Variants in ZCCHC7 observed in about 807,000 individuals in gnomAD.
ZCCHC7 encodes the protein zinc finger CCHC-type containing 7.
ZCCHC7 carries 35 observed loss-of-function variants against 52.0 expected under a neutral mutation model. That is an observed-to-expected ratio of 0.67 (90% CI 0.51 to 0.89). The LOEUF (loss-of-function observed/expected upper bound fraction) is 0.89, where lower values mean the gene tolerates loss of function less well. Among genes scored for constraint, ZCCHC7 ranks in the 40% least tolerant of loss-of-function variants. The pLI, the probability that ZCCHC7 is intolerant of heterozygous loss-of-function variation, is 0.00. For synonymous variants in ZCCHC7, 217 were observed against 221.5 expected (o/e 0.98, Z 0.18); for missense variants, 574 against 649.1 (o/e 0.88, Z 1.26).
At chr9:37,182,655 C>T (rs1268389489) in intron 2 of ZCCHC7, among the ~76,000 whole-genome samples, 2 of 152,118 alleles carry the variant, frequency 1.3e-5, no homozygotes. Flanking sequence ...CATGAGCCAC[C>T]GCGCCTGGCC....
chr9:37,313,360 G>A (rs1005057546), intron 5 of ZCCHC7, among the ~76,000 whole-genome samples: 31 of 152,116 alleles, frequency 2.0e-4, no homozygotes, highest in South Asian at 2.1e-4. Context: ...CAAAACTCAC[G>A]ATAATGTTAG....
At chr9:37,166,465 C>G (rs547907663) in intron 2 of ZCCHC7, among the ~76,000 whole-genome samples, 3 of 152,202 alleles carry the variant, frequency 2.0e-5, no homozygotes, top group African/African-American at 7.2e-5. Flanking sequence ...CCTGGTATGT[C>G]TGTCTTGAGA....
intron 2 of ZCCHC7, among the ~76,000 whole-genome samples, chr9:37,140,898 C>G (rs928655017): frequency 2.0e-5 from 3 of 151,944 alleles, no homozygotes; most frequent in African/African-American, 7.2e-5. Context: ...GTTTGTGAAG[C>G]AAATTTCTAA....
chr9:37,144,844 G>T (rs1419532599), intron 2 of ZCCHC7: 2 of 151,990 alleles, frequency 1.3e-5, no homozygotes, highest in Non-Finnish European at 2.9e-5. Context: ...AGGCTAACAA[G>T]TGTGTATGCC....
intron 2 of ZCCHC7, among the ~76,000 whole-genome samples, chr9:37,262,308 ACATAGT>A (rs1388875103): frequency 6.6e-6 from 1 of 152,130 alleles, no homozygotes; most frequent in Admixed American, 6.5e-5. Context: ...AAGATAGTAA[ACATAGT>A]CATAATGACT....
chr9:37,188,311 C>CTA (rs1299887204), intron 2 of ZCCHC7, among the ~76,000 whole-genome samples: 3 of 151,932 alleles, frequency 2.0e-5, no homozygotes, highest in Non-Finnish European at 4.4e-5. Flanking sequence ...TCATGCCTGA[C>CTA]TAATTTTTTT....
intron 2 of ZCCHC7, among the ~76,000 whole-genome samples, chr9:37,263,365 A>G (rs909097657): frequency 9.2e-5 from 14 of 151,928 alleles, no homozygotes; most frequent in African/African-American, 2.9e-4. Flanking sequence ...TTGTATTTTT[A>G]AAATGGAAGG....
chr9:37,239,448 G>A (rs896482417), intron 2 of ZCCHC7, among the ~76,000 whole-genome samples: 1 of 152,032 alleles, frequency 6.6e-6, no homozygotes, highest in African/African-American at 2.4e-5. Flanking sequence ...TCATGTTCTA[G>A]TCCTTTGAGT....
intron 5 of ZCCHC7, among the ~76,000 whole-genome samples, chr9:37,319,389 A>G (rs1268139340): frequency 1.3e-5 from 2 of 152,172 alleles, no homozygotes; most frequent in Non-Finnish European, 2.9e-5. Flanking sequence ...AGTCCAACTT[A>G]TAAATTTGAA....
intron 6 of ZCCHC7, among the ~76,000 whole-genome samples, chr9:37,333,089 A>G (rs1036478572): frequency 2.6e-5 from 4 of 151,736 alleles, no homozygotes; most frequent in Non-Finnish European, 5.9e-5. Flanking sequence ...ATGGGAAATC[A>G]ATATGGCATA....
chr9:37,256,514 T>C (rs1826593346), intron 2 of ZCCHC7, among the ~76,000 whole-genome samples: 1 of 152,212 alleles, frequency 6.6e-6, no homozygotes, highest in Admixed American at 6.5e-5. Context: ...ATATGTTATT[T>C]CTACATGCCT....
chr9:37,226,401 C>G (rs935138563), intron 2 of ZCCHC7, among the ~76,000 whole-genome samples: 24 of 151,890 alleles, frequency 1.6e-4, no homozygotes, highest in Non-Finnish European at 3.2e-4. Flanking sequence ...AAAATTCCAG[C>G]AGGCTTTAAA....
intron 5 of ZCCHC7, among the ~76,000 whole-genome samples, chr9:37,317,017 CT>C (rs1184923343): frequency 6.6e-6 from 1 of 152,194 alleles, no homozygotes; most frequent in East Asian, 1.9e-4. Flanking sequence ...AATCCTAACT[CT>C]TTCTTCACAG....
chr9:37,162,443 T>G (rs1300100563), intron 2 of ZCCHC7, among the ~76,000 whole-genome samples: 1 of 152,176 alleles, frequency 6.6e-6, no homozygotes, highest in Non-Finnish European at 1.5e-5. Context: ...CATGAGAGAT[T>G]AGTTTTGCAC....
chr9:37,357,408 G>C lies in ZCCHC7; in HGVS notation c.*140G>C. 1.4e-6 allele frequency: 1 copy of C among 714,250 alleles called. No individual in the cohort carries two copies. The highest frequency in any genetic ancestry group is 2.2e-6 in the Non-Finnish European group (1 of 464,144). The allele number at this position is 714,250 out of a possible 1,614,324, so 44.2% of individuals were successfully genotyped here. A position where few individuals can be genotyped will look rare whatever the true frequency, so the allele number is the denominator to read the frequency against. On this transcript the variant is annotated 3_prime_UTR_variant, in exon 9 of 9. Coordinates refer to ENST00000336755, the MANE Select transcript of ZCCHC7 (RefSeq NM_032226.3). ...TTTTTTAATTTCAGCCATTCCTAGAGTTACTGAATATCCATGGAGATCTCA... is the reference window on the plus strand; with the variant it reads ...TTTTTTAATTTCAGCCATTCCTAGACTTACTGAATATCCATGGAGATCTCA...
chr9:37,267,389 A>G (rs1340558431), intron 2 of ZCCHC7, among the ~76,000 whole-genome samples: 1 of 151,554 alleles, frequency 6.6e-6, no homozygotes. Context: ...TCTGTCTCCC[A>G]TTTGGTGGTG....
chr9:37,125,568 G>T (rs920628368), intron 1 of ZCCHC7, among the ~76,000 whole-genome samples: 1 of 152,190 alleles, frequency 6.6e-6, no homozygotes, highest in African/African-American at 2.4e-5. Flanking sequence ...TCCTGTTATA[G>T]ATTTTAGTCA....
At chr9:37,321,282 C>G (rs548760725) in intron 5 of ZCCHC7, among the ~76,000 whole-genome samples, 1 of 152,188 alleles carries the variant, frequency 6.6e-6, no homozygotes, top group African/African-American at 2.4e-5. Flanking sequence ...GCCACCACTC[C>G]CGGCCACCTT....
At chr9:37,134,608 A>ATCCTGT (rs1372725524) in intron 2 of ZCCHC7, among the ~76,000 whole-genome samples, 1 of 152,236 alleles carries the variant, frequency 6.6e-6, no homozygotes, top group African/African-American at 2.4e-5. Context: ...TCCAGTCGCC[A>ATCCTGT]TCCTGTTCCT....
Sources: allele counts gnomAD v4.1 joint callset (sites outside exome capture counted in the v4.1 genomes callset), GRCh38; gene constraint gnomAD v4.1.1; transcripts MANE v1.5; gene names NCBI Gene and HGNC (gene_info 2026-07-23, HGNC 2026-07-21).